The following GPC6 variants were observed in gnomAD, a reference collection of about 807,000 sequenced individuals.
GPC6 encodes the protein glypican 6, also known as glypican-6.
Under a neutral mutation model 55.2 loss-of-function variants are expected in GPC6, and 14 were observed. The observed-to-expected ratio is 0.25, with a 90% CI of 0.17 to 0.40. The LOEUF is 0.40. GPC6 is among the 10% of genes least tolerant of loss of function. The pLI is 1.00. For synonymous variants in GPC6, 278 were observed against 259.6 expected, an observed-to-expected ratio of 1.07 and a Z score of -0.68; for missense variants, 641 against 708.5, an observed-to-expected ratio of 0.90 and a Z score of 1.08.
chr13:94,230,805 G>A (rs920807037), intron 4 of GPC6, among the ~76,000 whole-genome samples: 1 of 152,194 alleles, frequency 6.6e-6, no homozygotes, highest in East Asian at 1.9e-4. Flanking sequence ...TATTGGAGAT[G>A]ACAGTAAGAA....
Position 94,292,131 on chromosome 13 carries a change from C to T in GPC6, c.1008+5652C>T, listed in dbSNP as rs74514745. On this transcript the variant is annotated intron_variant, in intron 5 of 8. Transcript: ENST00000377047. ...TAATAGTGCTTGTGATGAGATAGAG[C>T]TCCCTATTTCGCAAAGACAGAAAAG... 1.1e-3 allele frequency among the ~76,000 whole-genome samples: 171 copies of T among 152,284 alleles called. 2 individuals carry two copies. In the East Asian group the frequency reaches 0.025, roughly 22 times the overall value.
chr13:93,565,041 A>G (rs73541527), intron 2 of GPC6, among the ~76,000 whole-genome samples: 3,614 of 152,322 alleles, frequency 0.024, 145 homozygotes, highest in African/African-American at 0.081. Context: ...CCCTTTTTCA[A>G]CATTGTCAAA....
chr13:93,489,753 C>A (rs1166977199), intron 1 of GPC6, among the ~76,000 whole-genome samples: 1 of 151,232 alleles, frequency 6.6e-6, no homozygotes, highest in African/African-American at 2.4e-5. Flanking sequence ...GGAGTTCACT[C>A]ATGATTTGGC....
intron 2 of GPC6, among the ~76,000 whole-genome samples, chr13:93,816,322 A>G (rs1886846000): frequency 6.6e-6 from 1 of 152,140 alleles, no homozygotes; most frequent in Admixed American, 6.6e-5. Flanking sequence ...TTACCTAACC[A>G]TCCTGGGGAC....
At chr13:94,286,554 GAT>G (rs56210803) in intron 5 of GPC6, 75 bp downstream of exon 5, 439,530 of 1,286,854 alleles carry the variant, frequency 0.34, 79,721 homozygotes, top group Non-Finnish European at 0.37. Flanking sequence ...GAAGTAACTA[GAT>G]ATGTCGGCTG....
chr13:94,016,411 A>G (rs1240145332), intron 3 of GPC6, among the ~76,000 whole-genome samples: 1 of 152,190 alleles, frequency 6.6e-6, no homozygotes, highest in Non-Finnish European at 1.5e-5. Context: ...ATTGTTTTCA[A>G]TGTTCTCTGA....
At chr13:94,182,771 A>G (rs1889040296) in intron 4 of GPC6, among the ~76,000 whole-genome samples, 1 of 151,942 alleles carries the variant, frequency 6.6e-6, no homozygotes, top group African/African-American at 2.4e-5. Context: ...CATTTTAACC[A>G]TTTTATTTAT....
chr13:93,834,227 G>A (rs774778486), intron 3 of GPC6, among the ~76,000 whole-genome samples: 38 of 152,198 alleles, frequency 2.5e-4, no homozygotes, highest in Non-Finnish European at 4.7e-4. Context: ...AAGTAGAAAC[G>A]TCACAAATGG....
At chr13:93,817,024 G>A (rs536882753) in intron 2 of GPC6, among the ~76,000 whole-genome samples, 1 of 152,218 alleles carries the variant, frequency 6.6e-6, no homozygotes, top group East Asian at 1.9e-4. Context: ...ATTTGTTAAA[G>A]GGAGTCCTGT....
chr13:94,066,895 C>T lies in GPC6; in HGVS notation c.877+39001C>T, dbSNP rs1403442795. The stretch of plus-strand genomic sequence containing the variant: ...AGCTCCCTGAGAGAGATGCTTGATA[C>T]TTTTAATTCAGTTCCACTTGGCAAC... On this transcript the variant is annotated intron_variant, in intron 4 of 8. Coordinates refer to ENST00000377047, the MANE Select transcript of GPC6 (RefSeq NM_005708.5). 3.3e-5 allele frequency among the ~76,000 whole-genome samples: 5 copies of T among 152,292 alleles called. No individual in the cohort carries two copies. The South Asian group carries it at 8.3e-4, about 25-fold the overall frequency.
Position 94,111,280 on chromosome 13 carries a change from C to T in GPC6, c.877+83386C>T, listed in dbSNP as rs977145968. Among the ~76,000 whole-genome samples the T allele has an allele frequency of 4.6e-5, 7 of 151,458 alleles. No homozygotes were observed. The East Asian group carries it at 1.2e-3, about 25-fold the overall frequency. ...TGTCTCTTTTAATTTCACATATGTT[C>T]CTCTGTTTCTGAAATGTAAATCTGA... On this transcript the variant is annotated intron_variant, in intron 4 of 8. Transcript: ENST00000377047.
chr13:93,237,413 G>T (rs555971092), intron 1 of GPC6, among the ~76,000 whole-genome samples: 1 of 151,686 alleles, frequency 6.6e-6, no homozygotes, highest in East Asian at 1.9e-4. Flanking sequence ...TTTTTAATGC[G>T]ATTATTCATT....
chr13:93,475,152 A>T (rs982392926), intron 1 of GPC6, among the ~76,000 whole-genome samples: 3 of 140,060 alleles, frequency 2.1e-5, no homozygotes, highest in African/African-American at 7.7e-5. Context: ...TTAGATAAAT[A>T]AATAAATACA....
chr13:94,134,263 A>G (rs1041854966), intron 4 of GPC6, among the ~76,000 whole-genome samples: 2 of 152,220 alleles, frequency 1.3e-5, no homozygotes, highest in East Asian at 3.9e-4. Context: ...ACTTCAGCCC[A>G]TGAATGGGGA....
chr13:94,200,523 G>T (rs1237791961), intron 4 of GPC6, among the ~76,000 whole-genome samples: 1 of 152,174 alleles, frequency 6.6e-6, no homozygotes. Context: ...GGCTTGGAAT[G>T]GTAGTCTATC....
At chr13:93,607,172 C>A (rs535865517) in intron 2 of GPC6, among the ~76,000 whole-genome samples, 1 of 152,216 alleles carries the variant, frequency 6.6e-6, no homozygotes, top group South Asian at 2.1e-4. Context: ...TTTGAAATAT[C>A]TGTATTATAA....
chr13:93,867,724 A>G (rs1217750399), intron 3 of GPC6, among the ~76,000 whole-genome samples: 1 of 151,736 alleles, frequency 6.6e-6, no homozygotes, highest in Non-Finnish European at 1.5e-5. Context: ...ATTAACTCTG[A>G]GTCCTTTTCA....
At chr13:93,521,034 A>G (rs1881400097) in intron 1 of GPC6, among the ~76,000 whole-genome samples, 1 of 151,990 alleles carries the variant, frequency 6.6e-6, no homozygotes. Flanking sequence ...GTGATTATCA[A>G]TGGAAATGTA....
intron 1 of GPC6, among the ~76,000 whole-genome samples, chr13:93,494,050 A>T (rs1880149605): frequency 7.8e-6 from 1 of 127,492 alleles, no homozygotes; most frequent in Admixed American, 8.2e-5. Flanking sequence ...CGCTTGGTGC[A>T]GCGCTGAGTT....
Sources: allele counts gnomAD v4.1 joint callset (sites outside exome capture counted in the v4.1 genomes callset), GRCh38; gene constraint gnomAD v4.1.1; transcripts MANE v1.5; gene names NCBI Gene and HGNC (gene_info 2026-07-23, HGNC 2026-07-21).